The following RABGAP1L variants were observed in gnomAD, a reference collection of about 807,000 sequenced individuals.
RABGAP1L encodes the protein RAB GTPase activating protein 1 like, also known as rab GTPase-activating protein 1-like.
A neutral mutation model predicts 137.7 loss-of-function variants in RABGAP1L; 63 were observed. That is an observed-to-expected ratio of 0.46 (90% CI 0.37 to 0.56). The LOEUF (loss-of-function observed/expected upper bound fraction) is 0.56. RABGAP1L is among the 20% of genes least tolerant of loss of function. RABGAP1L has a pLI of 0.00. For synonymous variants in RABGAP1L, 431 were observed against 433.7 expected (o/e 0.99, Z 0.08); for missense variants, 1,095 against 1,244.0 (o/e 0.88, Z 1.80).
intron 11 of RABGAP1L, among the ~76,000 whole-genome samples, chr1:174,332,596 A>G (rs1176345117): frequency 6.6e-6 from 1 of 151,898 alleles, no homozygotes; most frequent in Non-Finnish European, 1.5e-5. Context: ...GGGTTTTCCC[A>G]TTTTGGCCAG....
intron 19 of RABGAP1L, among the ~76,000 whole-genome samples, chr1:174,838,068 T>C (rs1235241869): frequency 6.6e-6 from 1 of 152,224 alleles, no homozygotes; most frequent in Non-Finnish European, 1.5e-5. Flanking sequence ...AAAAAGTTTC[T>C]AGCTGGCCAG....
chr1:174,343,142 A>G (rs144674567), intron 11 of RABGAP1L, among the ~76,000 whole-genome samples: 3 of 152,342 alleles, frequency 2.0e-5, no homozygotes, highest in South Asian at 2.1e-4. Context: ...TGAACACTAC[A>G]TTAAACGATT....
At chr1:174,883,892 T>C (rs1654657252) in intron 19 of RABGAP1L, among the ~76,000 whole-genome samples, 1 of 152,022 alleles carries the variant, frequency 6.6e-6, no homozygotes, top group East Asian at 1.9e-4. Flanking sequence ...ATGAGAAGAG[T>C]AAATGATTGA....
chr1:174,589,985 A>C (rs183935928), intron 13 of RABGAP1L, among the ~76,000 whole-genome samples: 1 of 152,006 alleles, frequency 6.6e-6, no homozygotes, highest in Non-Finnish European at 1.5e-5. Context: ...ATTTATTTAT[A>C]TTTCTGTGAA....
intron 10 of RABGAP1L, among the ~76,000 whole-genome samples, chr1:174,294,487 T>C (rs1160026310): frequency 6.6e-6 from 1 of 152,186 alleles, no homozygotes; most frequent in Non-Finnish European, 1.5e-5. Flanking sequence ...GCAATTACTC[T>C]GAACAGATAG....
intron 13 of RABGAP1L, among the ~76,000 whole-genome samples, chr1:174,516,167 G>A (rs1486956410): frequency 2.5e-4 from 17 of 66,942 alleles, no homozygotes; most frequent in Admixed American, 6.1e-4. Context: ...ACACACACAC[G>A]CTTTGAGATA....
At chr1:174,262,615 A>G (rs939169384) in intron 7 of RABGAP1L, among the ~76,000 whole-genome samples, 1 of 152,238 alleles carries the variant, frequency 6.6e-6, no homozygotes, top group African/African-American at 2.4e-5. Context: ...GCAGACCTCT[A>G]TTGCAGCTCT....
chr1:174,444,909 G>GT (rs545839559), intron 13 of RABGAP1L, among the ~76,000 whole-genome samples: 57 of 151,844 alleles, frequency 3.8e-4, no homozygotes, highest in Non-Finnish European at 7.2e-4. Flanking sequence ...ATCTTTTTAT[G>GT]TTTTTTAGGA....
intron 13 of RABGAP1L, among the ~76,000 whole-genome samples, chr1:174,585,160 A>G (rs1008867589): frequency 6.6e-6 from 1 of 152,130 alleles, no homozygotes; most frequent in Non-Finnish European, 1.5e-5. Context: ...GTTGCTTTTT[A>G]CTTTTTAAAA....
chr1:174,985,777 C>T (rs1671539155), intron 24 of RABGAP1L, among the ~76,000 whole-genome samples: 1 of 152,100 alleles, frequency 6.6e-6, no homozygotes, highest in African/African-American at 2.4e-5. Context: ...ATAGCATTGG[C>T]TTAAACATAA....
At chr1:174,451,970 TAGGCTGAAAG>T (rs1246374337) in intron 13 of RABGAP1L, among the ~76,000 whole-genome samples, 3 of 152,204 alleles carry the variant, frequency 2.0e-5, no homozygotes, top group Non-Finnish European at 2.9e-5. Context: ...GGCTTTATCA[TAGGCTGAAAG>T]AGGCTGAATG....
At chr1:174,924,632 T>C (rs905841080) in intron 19 of RABGAP1L, among the ~76,000 whole-genome samples, 11 of 152,152 alleles carry the variant, frequency 7.2e-5, no homozygotes, top group African/African-American at 2.4e-4. Context: ...TCAACATTAA[T>C]CTATTCAACC....
intron 1 of RABGAP1L, among the ~76,000 whole-genome samples, chr1:174,199,022 C>T (rs1458801352): frequency 7.9e-5 from 12 of 152,122 alleles, no homozygotes; most frequent in African/African-American, 2.7e-4. Context: ...GCAGTAGAGT[C>T]GCTTGAACCT....
At position 174,990,752 on chromosome 1, in the gene RABGAP1L, A is replaced by G. The variant is rs927170593; in HGVS notation, c.*751A>G. ...TGTGAGTTCCTAAGTACACCAAAGT[A>G]TGGACACAGATGTGACTTCTGGCAA... On this transcript the variant is annotated 3_prime_UTR_variant, in exon 26 of 26. Transcript: ENST00000681986. The G allele has an allele frequency of 3.3e-5, 5 of 152,222 alleles. No homozygotes were observed. Among genetic ancestry groups the G allele is most frequent in the Non-Finnish European group, 5.9e-5 (4 of 68,038 alleles). The allele number at this position is 152,222 out of a possible 1,614,324, so 9.4% of individuals were successfully genotyped here.
intron 1 of RABGAP1L, among the ~76,000 whole-genome samples, chr1:174,182,123 C>T (rs948370205): frequency 2.6e-5 from 4 of 151,962 alleles, no homozygotes; most frequent in Admixed American, 6.6e-5. Flanking sequence ...CTGTGTCCTC[C>T]GTGGACTGTT....
At chr1:174,962,649 TTAGAG>T (rs145753390) in intron 20 of RABGAP1L, among the ~76,000 whole-genome samples, 16,305 of 152,192 alleles carry the variant, frequency 0.11, 936 homozygotes, top group East Asian at 0.23. Context: ...ATGCAATAGT[TTAGAG>T]TAATTTTCAC....
intron 13 of RABGAP1L, among the ~76,000 whole-genome samples, chr1:174,568,628 G>A (rs1014778302): frequency 1.3e-5 from 2 of 152,142 alleles, no homozygotes; most frequent in Non-Finnish European, 2.9e-5. Flanking sequence ...CTTTAAAATA[G>A]GAGTGTGCAC....
At chr1:174,863,461 C>T (rs530322546) in intron 19 of RABGAP1L, among the ~76,000 whole-genome samples, 2 of 150,952 alleles carry the variant, frequency 1.3e-5, no homozygotes, top group South Asian at 2.1e-4. Context: ...ATCACGAGGT[C>T]AGGAGATCGA....
At chr1:174,983,715 T>A (rs556897832) in intron 24 of RABGAP1L, among the ~76,000 whole-genome samples, 3 of 152,346 alleles carry the variant, frequency 2.0e-5, no homozygotes, top group African/African-American at 7.2e-5. Context: ...TCATTCTGAA[T>A]GTTAAATAAG....
Sources: gnomAD v4.1 joint callset for allele counts (sites outside exome capture counted in the v4.1 genomes callset) on GRCh38, gnomAD v4.1.1 for gene constraint, MANE v1.5 for transcripts, NCBI Gene and HGNC (gene_info 2026-07-23, HGNC 2026-07-21) for gene names.